The following CHD3 variants were observed in gnomAD, a reference collection of about 807,000 sequenced individuals.
CHD3 encodes the protein chromodomain helicase DNA binding protein 3, also known as ATP-dependent chromatin remodeler CHD3.
Under a neutral mutation model 248.9 loss-of-function variants are expected in CHD3, and 52 were observed. The ratio of observed to expected loss-of-function variants is 0.21; its 90% confidence interval spans 0.17 to 0.26. The LOEUF is 0.26. CHD3 is among the 10% of genes least tolerant of loss of function. The pLI is 1.00. For synonymous variants in CHD3, 985 were observed against 985.2 expected (o/e 1.00, Z 0.00); for missense variants, 1,482 against 2,605.8 (o/e 0.57, Z 9.39).
In CHD3 at chr17:7,911,532, G is replaced by C; in HGVS notation, c.5950G>C (p.Gly1984Arg). The change falls in exon 40 of 40, where the codon GGG (glycine) becomes CGG (arginine). Residue 1984 changes from glycine to arginine, a missense_variant. By Grantham distance (125) the Gly-to-Arg change is moderately radical (BLOSUM62 -2). Coordinates refer to ENST00000330494, the MANE Select transcript of CHD3 (RefSeq NM_001005273.3). This position sits in a 1 kb window ranked among gnomAD's most constrained non-coding sequence, Gnocchi z 5.4. ...AATGGTGGGGGCATTGGTGTCAGAC[G>C]GGCTGGATCGGAAGGAGCCCCGAGC... ...KEMVGALVSD[G>R]LDRKEPRAGE... is the part of the protein sequence containing the mutation. 6.2e-7 allele frequency: 1 copy of C among 1,614,198 alleles called. No individual in the cohort carries two copies. Among genetic ancestry groups the C allele is most frequent in the African/African-American group, 1.3e-5 (1 of 75,056 alleles).
Position 7,903,170 on chromosome 17 carries a change from G to C in CHD3, c.3496-102G>C, listed in dbSNP as rs1211968722. On this transcript the variant is annotated intron_variant, in intron 22 of 39. Transcript: ENST00000330494. The surrounding 1 kb of genome is among the most constrained non-coding windows in gnomAD (Gnocchi z 6.8). ...GAAATAAATCTCTTCTGGGAGGAGA[G>C]AAGGCCCTTCTTCAGCAGCCTTCTT... 1 of 1,570,528 alleles carries C rather than the reference G, an allele frequency of 6.4e-7. No individual in the cohort carries two copies. The highest frequency in any genetic ancestry group is 8.7e-7 in the Non-Finnish European group (1 of 1,150,046).
chr17:7,910,057 A>C lies in CHD3; in HGVS notation c.5591-371A>C, dbSNP rs1473661858. 1.2e-5 allele frequency: 4 copies of C among 327,036 alleles called. No homozygotes were observed. Among genetic ancestry groups the C allele is most frequent in the African/African-American group, 6.6e-5 (3 of 45,360 alleles). The allele number at this position is 327,036 out of a possible 1,614,324, so 20.3% of individuals were successfully genotyped here. On this transcript the variant is annotated intron_variant, in intron 37 of 39. Transcript: ENST00000330494. This position sits in a 1 kb window ranked among gnomAD's most constrained non-coding sequence, Gnocchi z 4.7. ...GCCTCCTGACTATTTCCTCCCCATC[A>C]TCCCCAACCCCAAACCTTGCTCTTC...
intron 19 of CHD3, 30 bp from the exon 20 acceptor site, chr17:7,901,214 C>T: frequency 6.4e-7 from 1 of 1,572,404 alleles, no homozygotes; most frequent in Non-Finnish European, 8.6e-7. Flanking sequence ...CCAACTGACC[C>T]CCTCCTCCTC....
chr17:7,893,487 C>CCG lies in CHD3; in HGVS notation c.711_712insCG (p.Gly238ArgfsTer58). 6.3e-7 allele frequency: 1 copy of CCG among 1,584,766 alleles called. No individual in the cohort carries two copies. Among genetic ancestry groups the CCG allele is most frequent in the Non-Finnish European group, 8.6e-7 (1 of 1,159,256 alleles). On this transcript the variant is annotated frameshift_variant, in exon 5 of 40. Coordinates refer to ENST00000330494, the MANE Select transcript of CHD3 (RefSeq NM_001005273.3). LOFTEE classifies it high-confidence loss of function. ...CGTCGGCCACCCCCATAGCACCCTC[C>CCG]GGACCCCCCGCCCTTCCACCACCCC... is the stretch of plus-strand genomic sequence containing the variant.
chr17:7,906,117 CT>C lies in CHD3; in HGVS notation c.4358+130del. On this transcript the variant is annotated intron_variant, in intron 28 of 39. Coordinates refer to ENST00000330494, the MANE Select transcript of CHD3 (RefSeq NM_001005273.3). This position sits in a 1 kb window ranked among gnomAD's most constrained non-coding sequence, Gnocchi z 5.0. ...TTATCACCCTCCCTGTCATACAATA[CT>C]TCCTGGCTCGATTTCCTGGGGGGTG... 1 of 1,392,172 alleles carries C rather than the reference CT, an allele frequency of 7.2e-7. No individual in the cohort carries two copies. Among genetic ancestry groups the C allele is most frequent in the Non-Finnish European group, 1.0e-6 (1 of 990,584 alleles). The allele number at this position is 1,392,172 out of a possible 1,614,324, so 86.2% of individuals were successfully genotyped here. A position where few individuals can be genotyped will look rare whatever the true frequency, so the allele number is the denominator to read the frequency against.
At chr17:7,888,256 T>C (rs890647810), upstream of CHD3, among the ~76,000 whole-genome samples, 12 of 152,304 alleles carry the variant, frequency 7.9e-5, no homozygotes, top group Admixed American at 3.9e-4. Context: ...ATGCTGGAGT[T>C]AGCAGGAAAG....
intron 4 of CHD3, among the ~76,000 whole-genome samples, chr17:7,892,640 G>A (rs898704519): frequency 3.3e-5 from 5 of 151,914 alleles, no homozygotes; most frequent in Admixed American, 3.3e-4. Context: ...GAGACTACAG[G>A]TGCGCACCAC....
At position 7,893,282 on chromosome 17, in the gene CHD3, A is replaced by G. The variant is rs776126852; in HGVS notation, c.510-4A>G. The G allele has an allele frequency of 6.2e-7, 1 of 1,601,182 alleles. No homozygotes were observed. Among genetic ancestry groups the G allele is most frequent in the South Asian group, 1.1e-5 (1 of 90,276 alleles). On this transcript the variant is annotated splice_polypyrimidine_tract_variant and splice_region_variant and intron_variant, in intron 4 of 39. Transcript: ENST00000330494. ...GTCCGAGTTTTCTGCTTCTATATTT[A>G]CAGGCCCCTAATTGCTAAGAAGAAT...
Position 7,909,587 on chromosome 17 carries a change from T to G in CHD3, c.5590+249T>G. Reference sequence around the variant, plus strand: ...CCCAATAGAGGGACCTGCCCCAGCCTCTGTGTCCCCTCCACACAGTGGGGC... The same window carrying G: ...CCCAATAGAGGGACCTGCCCCAGCCGCTGTGTCCCCTCCACACAGTGGGGC... On this transcript the variant is annotated intron_variant, in intron 37 of 39. Coordinates refer to ENST00000330494, the MANE Select transcript of CHD3 (RefSeq NM_001005273.3). This position sits in a 1 kb window ranked among gnomAD's most constrained non-coding sequence, Gnocchi z 8.1. 1.8e-6 allele frequency: 1 copy of G among 557,136 alleles called. No individual in the cohort carries two copies. The highest frequency in any genetic ancestry group is 1.9e-5 in the African/African-American group (1 of 51,388). 34.5% of individuals were successfully genotyped at this position (557,136 alleles called of 1,614,324 possible).
Position 7,893,427 on chromosome 17 carries a change from A to G in CHD3, c.651A>G (p.Ala217=). 1 of 1,611,486 alleles carries G rather than the reference A, an allele frequency of 6.2e-7. No homozygotes were observed. Among genetic ancestry groups the G allele is most frequent in the Non-Finnish European group, 8.5e-7 (1 of 1,178,492 alleles). ...AAVAAAAAAA[A]AAVAEQVSAA... ...TGGCGGCGGCAGCGGCAGCAGCAGC[A>G]GCAGCTGTAGCTGAGCAGGTGTCAG... The change falls in exon 5 of 40, where the codon GCA becomes GCG. Residue 217 remains alanine, a synonymous_variant. Coordinates refer to ENST00000330494, the MANE Select transcript of CHD3 (RefSeq NM_001005273.3).
In CHD3 at chr17:7,900,373, C is replaced by T; in HGVS notation, c.2766C>T (p.Leu922=). Residue 922 remains leucine, a synonymous_variant, in exon 17 of 40, where the codon CTC becomes CTT. Coordinates refer to ENST00000330494, the MANE Select transcript of CHD3 (RefSeq NM_001005273.3). This position sits in a 1 kb window ranked among gnomAD's most constrained non-coding sequence, Gnocchi z 6.5. ...CATTGCAGAATAATCTGGAGGAGCT[C>T]TTCCATCTCCTGAACTTCCTCACCC... ...GTPLQNNLEE[L]FHLLNFLTPE... 1 of 1,614,138 alleles carries T rather than the reference C, an allele frequency of 6.2e-7. No individual in the cohort carries two copies. The highest frequency in any genetic ancestry group is 8.5e-7 in the Non-Finnish European group (1 of 1,180,018).
In CHD3 at chr17:7,906,228, G is replaced by T. The variant is rs1359180959; in HGVS notation, c.4358+239G>T. 2 of 769,186 alleles carry T rather than the reference G, an allele frequency of 2.6e-6. No homozygotes were observed. The highest frequency in any genetic ancestry group is 3.4e-5 in the African/African-American group (2 of 59,050). The allele number at this position is 769,186 out of a possible 1,614,324, so 47.6% of individuals were successfully genotyped here. Reference sequence around the variant, plus strand: ...CCCAGGGGAGGGGCGTTGAAGCAAGGAGCCTCTCCTGGGCTGTCCTAGCCT... The same window carrying T: ...CCCAGGGGAGGGGCGTTGAAGCAAGTAGCCTCTCCTGGGCTGTCCTAGCCT... On this transcript the variant is annotated intron_variant, in intron 28 of 39. Transcript: ENST00000330494. The surrounding 1 kb of genome is among the most constrained non-coding windows in gnomAD (Gnocchi z 5.0).
Position 7,911,366 on chromosome 17 carries a change from G to A in CHD3, c.5882-98G>A. On this transcript the variant is annotated intron_variant, in intron 39 of 39. Transcript: ENST00000330494. This position sits in a 1 kb window ranked among gnomAD's most constrained non-coding sequence, Gnocchi z 5.4. ...TCCCTCACGTGGGACAACGGGAAGT[G>A]GCAGGAGGTGACCTAGAAGTGAGAA... The A allele has an allele frequency of 6.3e-7, 1 of 1,582,560 alleles. No homozygotes were observed. Among genetic ancestry groups the A allele is most frequent in the Non-Finnish European group, 8.6e-7 (1 of 1,156,786 alleles).
chr17:7,890,684 A>G lies in CHD3; in HGVS notation c.327A>G (p.Glu109=). 6.2e-7 allele frequency: 1 copy of G among 1,604,636 alleles called. No individual in the cohort carries two copies. Among genetic ancestry groups the G allele is most frequent in the South Asian group, 1.1e-5 (1 of 89,314 alleles). The change falls in exon 3 of 40, where the codon GAA becomes GAG. Residue 109 remains glutamate, a synonymous_variant. Transcript: ENST00000330494. ...PGRKRRRKHR[E]KKEKKTKRRK... ...GGAAACGAAGAAGGAAGCACCGAGA[A>G]AAAAAGGAGAAGAAGACAAAGCGGC... is the stretch of plus-strand genomic sequence containing the variant.
chr17:7,906,150 GC>G lies in CHD3; in HGVS notation c.4358+164del. ...CTCGATTTCCTGGGGGGTGGTCTCAGCCCACTCCACCTCCCCTCAGCCGAGC... is the reference window on the plus strand; with the variant it reads ...CTCGATTTCCTGGGGGGTGGTCTCAGCCACTCCACCTCCCCTCAGCCGAGC... On this transcript the variant is annotated intron_variant, in intron 28 of 39. Transcript: ENST00000330494. The surrounding 1 kb of genome is among the most constrained non-coding windows in gnomAD (Gnocchi z 5.0). 8.9e-7 allele frequency: 1 copy of G among 1,128,332 alleles called. No homozygotes were observed. Among genetic ancestry groups the G allele is most frequent in the Non-Finnish European group, 1.3e-6 (1 of 750,884 alleles). The allele number at this position is 1,128,332 out of a possible 1,614,324, so 69.9% of individuals were successfully genotyped here.
chr17:7,907,546 G>A lies in CHD3; in HGVS notation c.4925-55G>A. The A allele has an allele frequency of 1.3e-6, 2 of 1,531,738 alleles. No homozygotes were observed. Among genetic ancestry groups the A allele is most frequent in the Non-Finnish European group, 1.8e-6 (2 of 1,139,896 alleles). 94.9% of individuals were successfully genotyped at this position (1,531,738 alleles called of 1,614,324 possible). ...TAGAATTTGGGATTTCCCTCTTCTG[G>A]GGTCAGGGGATGAGGGTAACATCCT... On this transcript the variant is annotated intron_variant, in intron 32 of 39. Transcript: ENST00000330494. This position sits in a 1 kb window ranked among gnomAD's most constrained non-coding sequence, Gnocchi z 4.3.
At chr17:7,901,692 G>A (rs1297011860) in intron 20 of CHD3, among the ~76,000 whole-genome samples, 2 of 151,746 alleles carry the variant, frequency 1.3e-5, no homozygotes, top group Admixed American at 6.6e-5. Context: ...TGTATTTTTA[G>A]TAGAGACGGG....
In CHD3 at chr17:7,900,068, T is replaced by C. The variant is rs1006097644; in HGVS notation, c.2682+35T>C. ...GTTTCCAGACCTAAAAAACTTGAAGTTGTGGACTTCCCACTTGCCTTGGTC... is the reference window on the plus strand; with the variant it reads ...GTTTCCAGACCTAAAAAACTTGAAGCTGTGGACTTCCCACTTGCCTTGGTC... On this transcript the variant is annotated intron_variant, in intron 16 of 39. Transcript: ENST00000330494. The surrounding 1 kb of genome is among the most constrained non-coding windows in gnomAD (Gnocchi z 6.5). The C allele has an allele frequency of 1.9e-6, 3 of 1,579,670 alleles. No individual in the cohort carries two copies. Among genetic ancestry groups the C allele is most frequent in the Non-Finnish European group, 2.6e-6 (3 of 1,159,878 alleles).
chr17:7,893,787 C>G lies in CHD3; in HGVS notation c.794-18C>G. On this transcript the variant is annotated intron_variant, in intron 5 of 39. Coordinates refer to ENST00000330494, the MANE Select transcript of CHD3 (RefSeq NM_001005273.3). ...TGACCTCTCCTTTTTCCTCTTCTCACCCCGACTCCTCATTCAGGTCCAGGC... is the reference window on the plus strand; with the variant it reads ...TGACCTCTCCTTTTTCCTCTTCTCAGCCCGACTCCTCATTCAGGTCCAGGC... 6.2e-7 allele frequency: 1 copy of G among 1,612,678 alleles called. No homozygotes were observed. The highest frequency in any genetic ancestry group is 8.5e-7 in the Non-Finnish European group (1 of 1,179,646).
Sources: allele counts gnomAD v4.1 joint callset (sites outside exome capture counted in the v4.1 genomes callset), GRCh38; gene constraint gnomAD v4.1.1; non-coding constraint Gnocchi (gnomAD v3.1); transcripts MANE v1.5; gene names NCBI Gene and HGNC (gene_info 2026-07-23, HGNC 2026-07-21).